Variants in TULP4 observed in about 807,000 individuals in gnomAD.
TULP4 encodes the protein tubby-related protein 4.
A neutral mutation model predicts 129.0 loss-of-function variants in TULP4; 16 were observed. The observed-to-expected ratio is 0.12, with a 90% confidence interval of 0.08 to 0.19. The LOEUF is 0.19. Ranked by LOEUF, TULP4 falls within the 10% of genes least tolerant of loss-of-function variation. The pLI is 1.00. For missense variants in TULP4, 1,842 were observed against 2,059.1 expected, an observed-to-expected ratio of 0.89 and a Z score of 2.04; for synonymous variants, 998 against 854.0, an observed-to-expected ratio of 1.17 and a Z score of -2.94.
chr6:158,401,750 G>A (rs1277286263), intron 1 of TULP4, among the ~76,000 whole-genome samples: 1 of 152,028 alleles, frequency 6.6e-6, no homozygotes, highest in African/African-American at 2.4e-5. Context: ...TGCTAGTGTT[G>A]TGACTAGCTC....
chr6:158,503,049 G>T lies in TULP4; in HGVS notation c.3386G>T (p.Gly1129Val), dbSNP rs192777685. 5.6e-6 allele frequency: 9 copies of T among 1,614,158 alleles called. No individual in the cohort carries two copies. The highest frequency in any genetic ancestry group is 6.8e-6 in the Non-Finnish European group (8 of 1,180,012). The change falls in exon 13 of 14, where the codon GGT (glycine) becomes GTT (valine). Residue 1129 changes from glycine (G) to valine (V), a missense_variant. By Grantham distance (109) the Gly-to-Val change is moderately radical. Coordinates refer to ENST00000367097, the MANE Select transcript of TULP4 (RefSeq NM_020245.5). This position sits in a 1 kb window ranked among gnomAD's most constrained non-coding sequence, Gnocchi z 4.3. ...CCTTACCAGTGGGACCCCATGCTGG[G>T]TGAGGATGTTTGGGTTCCTCAAGAA... ...PPPYQWDPML[G>V]EDVWVPQERT...
At chr6:158,309,647 G>C (rs1227259101), upstream of TULP4, among the ~76,000 whole-genome samples, 1 of 152,064 alleles carries the variant, frequency 6.6e-6, no homozygotes, top group African/African-American at 2.4e-5. Flanking sequence ...CCGGCACCTC[G>C]GGAGGCTGAG....
rs1583902960 is a variant in TULP4 at position 158,461,238 on chromosome 6, C to A, written c.860-325C>A. ...ACCAGCCTGACCAACATGGAGAAAT[C>A]CCATCTCTACTACAAATACGAAATT... On this transcript the variant is annotated intron_variant, in intron 5 of 13. Transcript: ENST00000367097. Among the ~76,000 whole-genome samples the A allele has an allele frequency of 3.3e-5, 5 of 152,204 alleles. No individual in the cohort carries two copies. The South Asian group carries it at 1.0e-3, about 32-fold the overall frequency.
At position 158,501,788 on chromosome 6, in the gene TULP4, C is replaced by T; in HGVS notation, c.2125C>T (p.Leu709=). 1 of 1,614,166 alleles carries T rather than the reference C, an allele frequency of 6.2e-7. No homozygotes were observed. The highest frequency in any genetic ancestry group is 8.5e-7 in the Non-Finnish European group (1 of 1,180,020). Reference sequence around the variant, plus strand: ...TATGTCCCCCACGCAGAGCATAGGGCTGGTGCAGTCCCTACTGGCCAATCA... The same window carrying T: ...TATGTCCCCCACGCAGAGCATAGGGTTGGTGCAGTCCCTACTGGCCAATCA... ...QAMSPTQSIG[L]VQSLLANQNV... Residue 709 remains leucine (L), a synonymous_variant, in exon 13 of 14, where the codon CTG becomes TTG. Coordinates refer to ENST00000367097, the MANE Select transcript of TULP4 (RefSeq NM_020245.5).
At chr6:158,372,503 A>G (rs750826709) in intron 1 of TULP4, among the ~76,000 whole-genome samples, 7 of 152,138 alleles carry the variant, frequency 4.6e-5, no homozygotes, top group Non-Finnish European at 8.8e-5. Context: ...CATATTTTTT[A>G]AAGATTAAAT....
At chr6:158,487,874 C>T (rs1780108814) in intron 8 of TULP4, among the ~76,000 whole-genome samples, 1 of 152,270 alleles carries the variant, frequency 6.6e-6, no homozygotes, top group Non-Finnish European at 1.5e-5. Flanking sequence ...TATCAAGTCT[C>T]AGGTATTGTT....
chr6:158,360,047 G>A (rs1388906035), intron 1 of TULP4, among the ~76,000 whole-genome samples: 1 of 150,682 alleles, frequency 6.6e-6, no homozygotes, highest in African/African-American at 2.4e-5. Flanking sequence ...GTCTTCTGAT[G>A]TTGGTAAAAT....
intron 1 of TULP4, among the ~76,000 whole-genome samples, chr6:158,263,954 T>C (rs1481481536): frequency 1.3e-5 from 2 of 151,632 alleles, no homozygotes; most frequent in Non-Finnish European, 2.9e-5. Flanking sequence ...TCCCAGCTAC[T>C]GGGGAGGCTG....
At chr6:158,505,610 T>G (rs955483668) in intron 13 of TULP4, among the ~76,000 whole-genome samples, 2 of 152,228 alleles carry the variant, frequency 1.3e-5, no homozygotes, top group African/African-American at 4.8e-5. Flanking sequence ...ACACGCAGAC[T>G]GGGGACCAGA....
At chr6:158,504,871 A>C (rs1780562540) in intron 13 of TULP4, among the ~76,000 whole-genome samples, 1 of 152,154 alleles carries the variant, frequency 6.6e-6, no homozygotes. Flanking sequence ...GTGACTTCCT[A>C]AGGAATGTGA....
At chr6:158,455,404 G>T (rs894130985) in intron 5 of TULP4, among the ~76,000 whole-genome samples, 20 of 151,828 alleles carry the variant, frequency 1.3e-4, no homozygotes, top group African/African-American at 4.6e-4. Context: ...TACCTAACTA[G>T]ATATCTAAAT....
intron 1 of TULP4, among the ~76,000 whole-genome samples, chr6:158,355,072 TTTG>T (rs1333454978): frequency 2.6e-5 from 4 of 151,598 alleles, no homozygotes; most frequent in South Asian, 2.1e-4. Flanking sequence ...TTTGTTGGTT[TTTG>T]TTGTTGTTGT....
At chr6:158,439,067 A>C (rs1395629053) in intron 3 of TULP4, among the ~76,000 whole-genome samples, 1 of 151,976 alleles carries the variant, frequency 6.6e-6, no homozygotes, top group African/African-American at 2.4e-5. Flanking sequence ...GCTACTCAGG[A>C]GGCTGAGGCA....
intron 1 of TULP4, among the ~76,000 whole-genome samples, chr6:158,275,866 G>C (rs150184061): frequency 9.9e-4 from 151 of 152,338 alleles, no homozygotes; most frequent in Admixed American, 1.9e-3. Flanking sequence ...TTCTGTGAAA[G>C]TACTGAGGGA....
chr6:158,302,165 T>C (rs1415938709), intron 1 of TULP4, among the ~76,000 whole-genome samples: 1 of 152,184 alleles, frequency 6.6e-6, no homozygotes, highest in East Asian at 1.9e-4. Context: ...CTCAAAGTAG[T>C]GAAAGCACCT....
At chr6:158,361,561 G>A (rs114002862) in intron 1 of TULP4, among the ~76,000 whole-genome samples, 414 of 152,244 alleles carry the variant, frequency 2.7e-3, no homozygotes, top group African/African-American at 9.5e-3. Context: ...GCTCAAAAGT[G>A]AATCCCTAGC....
intron 1 of TULP4, among the ~76,000 whole-genome samples, chr6:158,404,372 G>A (rs1004763321): frequency 1.3e-5 from 2 of 152,174 alleles, no homozygotes; most frequent in Admixed American, 6.5e-5. Flanking sequence ...CTTGGAAGAT[G>A]TTAGGCCAGG....
At chr6:158,259,318 T>C (rs150112239) in intron 1 of TULP4, among the ~76,000 whole-genome samples, 51 of 152,342 alleles carry the variant, frequency 3.3e-4, no homozygotes, top group African/African-American at 8.9e-4. Flanking sequence ...TGTCATTGTA[T>C]CTCATCAGGG....
At chr6:158,485,286 G>T (rs1044585728) in intron 8 of TULP4, among the ~76,000 whole-genome samples, 1 of 152,192 alleles carries the variant, frequency 6.6e-6, no homozygotes, top group African/African-American at 2.4e-5. Context: ...AGAAGGAATT[G>T]TTAAGATAAA....
Sources: gnomAD v4.1 joint callset for allele counts (sites outside exome capture counted in the v4.1 genomes callset) on GRCh38, gnomAD v4.1.1 for gene constraint, Gnocchi (gnomAD v3.1) non-coding constraint, MANE v1.5 for transcripts, NCBI Gene and HGNC (gene_info 2026-07-23, HGNC 2026-07-21) for gene names.